Variants in BAIAP2 observed in about 807,000 individuals in gnomAD.
BAIAP2 encodes the protein BAR/IMD domain containing adaptor protein 2.
BAIAP2 carries 18 observed loss-of-function variants against 63.0 expected under a neutral mutation model. That is an observed-to-expected ratio of 0.29 (90% confidence interval 0.20 to 0.42). BAIAP2 has a LOEUF of 0.42. Ranked by LOEUF, BAIAP2 falls within the 10% of genes least tolerant of loss-of-function variation. The probability of loss-of-function intolerance (pLI) is 1.00; values close to 1 mark genes in which losing one functional copy is unlikely to be tolerated. For synonymous variants in BAIAP2, 386 were observed against 307.6 expected, an observed-to-expected ratio of 1.25 and a Z score of -2.67; for missense variants, 610 against 734.3, an observed-to-expected ratio of 0.83 and a Z score of 1.96.
intron 8 of BAIAP2, 56 bp from the exon 9 acceptor site, chr17:81,103,851 C>T (rs2058804169): frequency 2.5e-6 from 4 of 1,605,124 alleles, no homozygotes; most frequent in East Asian, 4.5e-5. Context: ...CTCTTTCCCC[C>T]TGGTCTTGCC....
chr17:81,076,053 C>G (rs1055915620), intron 3 of BAIAP2, among the ~76,000 whole-genome samples: 15 of 151,936 alleles, frequency 9.9e-5, no homozygotes, highest in Non-Finnish European at 1.9e-4. Context: ...GAAGCCAGCT[C>G]CTGCTGGGGT....
chr17:81,070,525 G>C (rs2052410302), intron 3 of BAIAP2, among the ~76,000 whole-genome samples: 1 of 152,200 alleles, frequency 6.6e-6, no homozygotes, highest in African/African-American at 2.4e-5. Flanking sequence ...GGAGGGAGGA[G>C]AGAGGCACAG....
intron 3 of BAIAP2, among the ~76,000 whole-genome samples, chr17:81,077,813 C>T (rs903942011): frequency 5.3e-5 from 8 of 151,126 alleles, no homozygotes; most frequent in Non-Finnish European, 1.2e-4. Flanking sequence ...GGTTCCACCT[C>T]GGAGCTGGGT....
At chr17:81,049,580 G>A (rs6565531) in intron 1 of BAIAP2, among the ~76,000 whole-genome samples, 79,004 of 152,068 alleles carry the variant, frequency 0.52, 20,751 homozygotes, top group Non-Finnish European at 0.56. Flanking sequence ...GCGTCTGGGC[G>A]TCTGAGCTCA....
chr17:81,106,843 C>T lies in BAIAP2; in HGVS notation c.1436C>T (p.Pro479Leu), dbSNP rs960239758. 4.4e-5 allele frequency: 71 copies of T among 1,610,060 alleles called. No homozygotes were observed. The highest frequency in any genetic ancestry group is 5.9e-5 in the Non-Finnish European group (69 of 1,178,564). Reference sequence around the variant, plus strand: ...TACGGCGCCGCCTCCCGGGCCTTCCCCGCCCAGACGGCCAGCGGCTTCAAG... The same window carrying T: ...TACGGCGCCGCCTCCCGGGCCTTCCTCGCCCAGACGGCCAGCGGCTTCAAG... Reference protein sequence around the residue: ...PDYGAASRAFPAQTASGFKQR... With the variant: ...PDYGAASRAFLAQTASGFKQR... Residue 479 changes from proline (P) to leucine (L), a missense_variant, in exon 12 of 14, where the codon CCC becomes CTC. Coordinates refer to ENST00000428708, the MANE Select transcript of BAIAP2 (RefSeq NM_001144888.2).
At chr17:81,085,049 C>T (rs547539313) in intron 4 of BAIAP2, 156 bp downstream of exon 4, 12 of 744,820 alleles carry the variant, frequency 1.6e-5, no homozygotes, top group Middle Eastern at 7.1e-4. Context: ...AAGCCACACT[C>T]GAAGGAGGAC....
rs187466975 is a variant in BAIAP2 at position 81,055,723 on chromosome 17, G to A, written c.130+1980G>A. 1.3e-3 allele frequency among the ~76,000 whole-genome samples: 201 copies of A among 151,932 alleles called. 1 individual carries two copies. The highest frequency in any genetic ancestry group is 4.0e-3 in the African/African-American group (164 of 41,458). ...TGGGACCACAGGTGCCTGCCACCAC[G>A]CCCGGCTAATTTTTTGTATTTTTAG... On this transcript the variant is annotated intron_variant, in intron 2 of 13. Transcript: ENST00000428708.
intron 1 of BAIAP2, among the ~76,000 whole-genome samples, chr17:81,035,582 A>G (rs28666997): frequency 6.7e-5 from 10 of 149,236 alleles, no homozygotes; most frequent in African/African-American, 1.7e-4. Flanking sequence ...CCCGGGGAGC[A>G]CTCCCCGCTC....
chr17:81,059,218 G>A (rs1250031550), intron 3 of BAIAP2, among the ~76,000 whole-genome samples: 2 of 152,206 alleles, frequency 1.3e-5, no homozygotes, highest in Non-Finnish European at 2.9e-5. Context: ...GGAGTTTCTC[G>A]AGGCACCGCT....
chr17:81,067,704 T>C (rs1270334719), intron 3 of BAIAP2, among the ~76,000 whole-genome samples: 1 of 152,226 alleles, frequency 6.6e-6, no homozygotes, highest in Non-Finnish European at 1.5e-5. Flanking sequence ...CTGCCGGCGT[T>C]GCTGCTGCTC....
chr17:81,106,824 G>A lies in BAIAP2; in HGVS notation c.1417G>A (p.Ala473Thr), dbSNP rs766813794. The A allele has an allele frequency of 3.4e-5, 55 of 1,611,702 alleles. No individual in the cohort carries two copies. Among genetic ancestry groups the A allele is most frequent in the Admixed American group, 3.0e-4 (18 of 59,898 alleles). ...DLAIPPPDYG[A>T]ASRAFPAQTA... The stretch of plus-strand genomic sequence containing the variant: ...GGCCATCCCACCCCCCGATTACGGC[G>A]CCGCCTCCCGGGCCTTCCCCGCCCA... The change falls in exon 12 of 14, where the codon GCC (alanine) becomes ACC (threonine). Residue 473 changes from alanine (A) to threonine (T), a missense_variant. Ala to Thr is a moderately conservative substitution (Grantham distance 58, BLOSUM62 0). This residue lies in a region of BAIAP2 where 114 missense variants were observed against 98.2 expected (regional missense o/e 1.16). Coordinates refer to ENST00000428708, the MANE Select transcript of BAIAP2 (RefSeq NM_001144888.2).
chr17:81,040,357 C>T lies in BAIAP2; in HGVS notation c.54+5049C>T, dbSNP rs940964988. 2.0e-5 allele frequency among the ~76,000 whole-genome samples: 3 copies of T among 152,256 alleles called. No individual in the cohort carries two copies. The East Asian group carries it at 5.8e-4, about 29-fold the overall frequency. ...CGCTAAGATCCCTAGTAATTACAGG[C>T]AGGCGGGGATGGTGCTGGCACCGGC... On this transcript the variant is annotated intron_variant, in intron 1 of 13. Transcript: ENST00000428708.
chr17:81,059,777 A>AACCAGGTGTTGAGGAGATGAGGTAGAGG (rs1568093247), intron 3 of BAIAP2, among the ~76,000 whole-genome samples: 1 of 152,172 alleles, frequency 6.6e-6, no homozygotes, highest in Non-Finnish European at 1.5e-5. Context: ...TACCATAATT[A>AACCAGGTGTTGAGGAGATGAGGTAGAGG]ACCAGGTGTT....
intron 6 of BAIAP2, among the ~76,000 whole-genome samples, chr17:81,093,178 T>C (rs1048117163): frequency 3.3e-5 from 5 of 151,854 alleles, no homozygotes; most frequent in African/African-American, 7.3e-5. Context: ...GCCCGCTGGA[T>C]GCAACTTGTC....
intron 1 of BAIAP2, among the ~76,000 whole-genome samples, chr17:81,042,874 T>A (rs8077305): frequency 0.71 from 106,261 of 148,794 alleles, 38,451 homozygotes; most frequent in Middle Eastern, 0.81. Context: ...GGGGCTTTTA[T>A]TTTAATTTAA....
chr17:81,063,690 T>G (rs2050978180), intron 3 of BAIAP2: 1 of 152,428 alleles, frequency 6.6e-6, no homozygotes, highest in Non-Finnish European at 1.5e-5. Flanking sequence ...CTGAGCCCTA[T>G]TATCGCAAGG....
intron 1 of BAIAP2, chr17:81,053,440 A>G (rs932453876): frequency 3.5e-6 from 2 of 568,028 alleles, no homozygotes; most frequent in Non-Finnish European, 6.3e-6. Flanking sequence ...GTTTCTTCTT[A>G]CCCCCTTTGC....
chr17:81,092,162 G>T (rs2056881752), intron 6 of BAIAP2, among the ~76,000 whole-genome samples: 2 of 152,250 alleles, frequency 1.3e-5, no homozygotes, highest in Non-Finnish European at 2.9e-5. Flanking sequence ...TCAGAAACCT[G>T]GCGCCAGCTG....
At chr17:81,065,326 G>A (rs2051276151) in intron 3 of BAIAP2, among the ~76,000 whole-genome samples, 1 of 152,232 alleles carries the variant, frequency 6.6e-6, no homozygotes, top group Admixed American at 6.5e-5. Context: ...CAGGGGTCCA[G>A]GGTCCTGAGC....
Sources: gnomAD v4.1 joint callset for allele counts (sites outside exome capture counted in the v4.1 genomes callset) on GRCh38, gnomAD v4.1.1 for gene constraint, gnomAD v4.1.1 regional missense constraint, MANE v1.5 for transcripts, NCBI Gene and HGNC (gene_info 2026-07-23, HGNC 2026-07-21) for gene names.